The following XKRX variants were observed in gnomAD, a reference collection of about 807,000 sequenced individuals.
The protein encoded by XKRX is XK-related protein 2.
A neutral mutation model predicts 22.4 loss-of-function variants in XKRX; 11 were observed. The ratio of observed to expected loss-of-function variants is 0.49; its 90% CI spans 0.31 to 0.81. XKRX has a LOEUF of 0.81. XKRX is among the 40% of genes least tolerant of loss of function. The pLI is 0.05. For synonymous variants in XKRX, 114 were observed against 132.2 expected, an observed-to-expected ratio of 0.86 and a Z score of 0.94; for missense variants, 320 against 336.5, an observed-to-expected ratio of 0.95 and a Z score of 0.38.
At chrX:100,934,668 C>T in the XKRX span, among the ~76,000 whole-genome samples, 1 of 111,923 alleles carries the variant, frequency 8.9e-6, no homozygotes, top group South Asian at 3.8e-4. Context: ...GGATTGTCTC[C>T]ACTTTTTGGC....
At position 100,916,275 on chromosome X, in the gene XKRX, CTTTT is replaced by C. The variant is rs778814018; in HGVS notation, c.605-1196_605-1193del. ...AAATTGAAAAAATGAACCAAAATAT[CTTTT>C]TTTGTGTGTGATAGTCTTATATCAG... is the stretch of plus-strand genomic sequence containing the variant. On this transcript the variant is annotated intron_variant, in intron 2 of 2. Transcript: ENST00000372956. Among the ~76,000 whole-genome samples, 954 of 111,734 alleles carry C rather than the reference CTTTT, an allele frequency of 8.5e-3. 20 individuals carry two copies. The highest frequency in any genetic ancestry group is 0.029 in the African/African-American group (886 of 30,799).
chrX:100,886,960 T>C, the XKRX span, among the ~76,000 whole-genome samples: 1 of 112,519 alleles, frequency 8.9e-6, no homozygotes, highest in Non-Finnish European at 1.9e-5. Flanking sequence ...TTACACATGA[T>C]AATGGATGAT....
rs765034968 is a variant in XKRX, at chrX:100,928,283, G to A, written c.22C>T (p.Pro8Ser). 2.5e-6 allele frequency: 3 copies of A among 1,210,800 alleles called. No homozygotes were observed. The South Asian group carries it at 5.3e-5, about 21-fold the overall frequency. ...ACCGGATCCACATTTGGCTCCTCAG[G>A]AATTTCATAAACTCTGTCCATTGTC... MDRVYEI[P>S]EEPNVDPVSS... is the part of the protein sequence containing the mutation. The change falls in exon 1 of 3, where the codon CCT becomes TCT. Residue 8 changes from proline (P) to serine (S), a missense_variant. Pro to Ser is a moderately conservative substitution (Grantham distance 74, BLOSUM62 -1). Coordinates refer to ENST00000372956, the MANE Select transcript of XKRX (RefSeq NM_212559.3).
intron 2 of XKRX, among the ~76,000 whole-genome samples, chrX:100,916,749 T>A (rs937531666): frequency 3.5e-5 from 4 of 112,711 alleles, no homozygotes; most frequent in Non-Finnish European, 7.5e-5. Context: ...GCCTAACATA[T>A]TACCTGGAAC....
the XKRX span, among the ~76,000 whole-genome samples, chrX:100,952,883 T>C: frequency 1.8e-5 from 2 of 112,585 alleles, no homozygotes; most frequent in African/African-American, 6.4e-5. Context: ...ATCTTTATTT[T>C]GATGGTGGTT....
the XKRX span, among the ~76,000 whole-genome samples, chrX:100,939,976 T>C: frequency 8.9e-6 from 1 of 112,105 alleles, no homozygotes; most frequent in South Asian, 3.7e-4. Flanking sequence ...GAAATACAAC[T>C]CATTCAGCAA....
chrX:100,946,119 G>T, the XKRX span, among the ~76,000 whole-genome samples: 1 of 109,592 alleles, frequency 9.1e-6, no homozygotes, highest in Non-Finnish European at 1.9e-5. Context: ...CGGGGAGGCG[G>T]AGGTTGCAGT....
At chrX:100,949,364 G>GTTT in the XKRX span, among the ~76,000 whole-genome samples, 3 of 15,987 alleles carry the variant, frequency 1.9e-4, no homozygotes, top group Non-Finnish European at 4.8e-4. Flanking sequence ...GTTTTTGGTT[G>GTTT]TTTTTTTTTT....
chrX:100,912,142 A>G (rs1401659594), downstream of XKRX, among the ~76,000 whole-genome samples: 1 of 111,976 alleles, frequency 8.9e-6, no homozygotes, highest in Non-Finnish European at 1.9e-5. Context: ...TTGAGGGTAC[A>G]GTGACTATTG....
chrX:100,897,243 T>C, the XKRX span, among the ~76,000 whole-genome samples: 1 of 111,173 alleles, frequency 9.0e-6, no homozygotes, highest in African/African-American at 3.3e-5. Context: ...ACCATTAAAT[T>C]TGAATTGGAA....
At chrX:100,895,314 A>G in the XKRX span, among the ~76,000 whole-genome samples, 1 of 112,614 alleles carries the variant, frequency 8.9e-6, no homozygotes, top group Non-Finnish European at 1.9e-5. Context: ...ATTATGACAT[A>G]TTATTAATGG....
intron 2 of XKRX, among the ~76,000 whole-genome samples, chrX:100,920,245 T>C (rs2085465549): frequency 9.1e-6 from 1 of 110,251 alleles, no homozygotes; most frequent in African/African-American, 3.3e-5. Flanking sequence ...GTCTAATTCA[T>C]ATAAAGGAAA....
In XKRX at chrX:100,924,339, C is replaced by T. The variant is rs368114154; in HGVS notation, c.336-1278G>A. Among the ~76,000 whole-genome samples, 30 of 111,749 alleles carry T rather than the reference C, an allele frequency of 2.7e-4. No homozygotes were observed. In the East Asian group the frequency reaches 7.3e-3, roughly 27 times the overall value. On this transcript the variant is annotated intron_variant, in intron 1 of 2. Coordinates refer to ENST00000372956, the MANE Select transcript of XKRX (RefSeq NM_212559.3). ...CCTCGAAAGATCACTGTAATAGTTA[C>T]TTTTTGTGCCTCTTGTCCTGTTTGT...
At chrX:100,900,087 G>A in the XKRX span, among the ~76,000 whole-genome samples, 2 of 112,020 alleles carry the variant, frequency 1.8e-5, no homozygotes, top group Non-Finnish European at 3.8e-5. Flanking sequence ...GCCGGGTGCA[G>A]TGGCTCATGC....
At chrX:100,901,455 A>C in the XKRX span, among the ~76,000 whole-genome samples, 1 of 111,833 alleles carries the variant, frequency 8.9e-6, no homozygotes, top group African/African-American at 3.2e-5. Context: ...CTAAACATGC[A>C]TGCAACAACA....
chrX:100,942,490 A>G, the XKRX span, among the ~76,000 whole-genome samples: 1 of 111,889 alleles, frequency 8.9e-6, no homozygotes, highest in Admixed American at 9.5e-5. Context: ...TTATTAGGTA[A>G]TTGAGAAAAA....
intron 2 of XKRX, among the ~76,000 whole-genome samples, chrX:100,917,948 GTGGCCCTAAA>G (rs1421924238): frequency 9.0e-6 from 1 of 111,448 alleles, no homozygotes; most frequent in Admixed American, 9.5e-5. Context: ...TGTTAGAGTA[GTGGCCCTAAA>G]GAGCCAGGAT....
chrX:100,888,384 C>T, the XKRX span: 1 of 809,868 alleles, frequency 1.2e-6, no homozygotes, highest in South Asian at 2.1e-5. Context: ...TTCGTGGCTG[C>T]ATCCACCTCC....
chrX:100,894,823 T>C, the XKRX span, among the ~76,000 whole-genome samples: 1 of 112,035 alleles, frequency 8.9e-6, no homozygotes, highest in Non-Finnish European at 1.9e-5. Context: ...CTGAAATGGG[T>C]TCACCAGTTG....
Sources: gnomAD v4.1 joint callset for allele counts (sites outside exome capture counted in the v4.1 genomes callset) on GRCh38, gnomAD v4.1.1 for gene constraint, MANE v1.5 for transcripts, NCBI Gene and HGNC (gene_info 2026-07-23, HGNC 2026-07-21) for gene names.